Variants in ELOVL5 observed in about 807,000 individuals in gnomAD.
ELOVL5 encodes the protein very long chain fatty acid elongase 5.
In ELOVL5, 8 loss-of-function variants were observed where a neutral mutation model predicts 38.6. That is an observed-to-expected ratio of 0.21 (90% CI 0.12 to 0.37). The LOEUF (loss-of-function observed/expected upper bound fraction) is 0.37. ELOVL5 is among the 10% of genes least tolerant of loss of function. The pLI is 1.00. For missense variants in ELOVL5, 280 were observed against 367.8 expected (o/e 0.76, Z 1.95); for synonymous variants, 127 against 133.7 (o/e 0.95, Z 0.34).
chr6:53,273,493 G>A, intron 5 of ELOVL5, 149 bp from the exon 6 acceptor site: 1 of 694,046 alleles, frequency 1.4e-6, no homozygotes, highest in Admixed American at 2.9e-5. Context: ...AGCAAGCAAT[G>A]CATGGATGTG....
At chr6:53,299,905 A>G (rs1284859400) in intron 1 of ELOVL5, among the ~76,000 whole-genome samples, 2 of 152,228 alleles carry the variant, frequency 1.3e-5, no homozygotes, top group Admixed American at 1.3e-4. Context: ...ACTTAGGAAT[A>G]TATTGAAAGA....
At chr6:53,315,134 G>A (rs533037888) in intron 1 of ELOVL5, among the ~76,000 whole-genome samples, 3 of 152,266 alleles carry the variant, frequency 2.0e-5, no homozygotes, top group African/African-American at 7.2e-5. Flanking sequence ...CATGATCAAG[G>A]TGCCAGCAAA....
Position 53,273,230 on chromosome 6 carries a change from T to C in ELOVL5, c.611A>G (p.Gln204Arg). The C allele has an allele frequency of 1.2e-6, 2 of 1,613,722 alleles. No homozygotes were observed. The highest frequency in any genetic ancestry group is 8.5e-7 in the Non-Finnish European group (1 of 1,179,730). Residue 204 changes from glutamine (Q) to arginine (R), a missense_variant, in exon 6 of 8, where the codon CAG (glutamine) becomes CGG (arginine). Coordinates refer to ENST00000304434, the MANE Select transcript of ELOVL5 (RefSeq NM_021814.5). Reference protein sequence around the residue: ...PYLWWKKYITQGQLLQFVLTI... With the variant: ...PYLWWKKYITRGQLLQFVLTI... ...GGCCAAGTCACTCACCAGCTGCCCC[T>C]GAGTGATGTACTTCTTCCACCAGAG...
chr6:53,268,564 TCAA>T lies in ELOVL5; in HGVS notation c.*560_*562del, dbSNP rs1159948313. ...TGAAGGTGCCGTGTCTGATTTCACA[TCAA>T]CAAGTCACTGGAAATTATGTCACAT... On this transcript the variant is annotated 3_prime_UTR_variant, in exon 8 of 8. Transcript: ENST00000304434. 6.5e-5 allele frequency: 10 copies of T among 152,754 alleles called. No homozygotes were observed. The highest frequency in any genetic ancestry group is 1.7e-4 in the African/African-American group (7 of 41,566). The allele number at this position is 152,754 out of a possible 1,614,324, so 9.5% of individuals were successfully genotyped here. A position where few individuals can be genotyped will look rare whatever the true frequency, so the allele number is the denominator to read the frequency against.
Position 53,273,204 on chromosome 6 carries a change from A to C in ELOVL5, c.621+16T>G. 1.2e-6 allele frequency: 2 copies of C among 1,613,268 alleles called. No individual in the cohort carries two copies. Among genetic ancestry groups the C allele is most frequent in the Non-Finnish European group, 1.7e-6 (2 of 1,179,450 alleles). On this transcript the variant is annotated intron_variant, in intron 6 of 7. Transcript: ENST00000304434. ...ACCAGGAAGTAAGTCCTGGGGAAAG[A>C]GGCCAAGTCACTCACCAGCTGCCCC...
chr6:53,327,627 G>A (rs1352860900), intron 1 of ELOVL5, among the ~76,000 whole-genome samples: 1 of 152,178 alleles, frequency 6.6e-6, no homozygotes, highest in Non-Finnish European at 1.5e-5. Context: ...AAACAACACT[G>A]TGGATGTACT....
intron 1 of ELOVL5, among the ~76,000 whole-genome samples, chr6:53,328,820 C>T (rs981943427): frequency 6.6e-6 from 1 of 152,186 alleles, no homozygotes; most frequent in African/African-American, 2.4e-5. Context: ...AGACCTTAAT[C>T]TCTTCGTTTA....
chr6:53,347,667 C>G (rs1167707366), intron 1 of ELOVL5, among the ~76,000 whole-genome samples: 2 of 152,214 alleles, frequency 1.3e-5, no homozygotes, highest in Non-Finnish European at 2.9e-5. Flanking sequence ...TAGCACCTCT[C>G]GGTTCCTCAG....
At chr6:53,296,712 A>G (rs917487979) in intron 1 of ELOVL5, among the ~76,000 whole-genome samples, 1 of 152,172 alleles carries the variant, frequency 6.6e-6, no homozygotes, top group African/African-American at 2.4e-5. Context: ...ACCTTCCCCA[A>G]TTTAAGATTT....
chr6:53,324,247 T>C (rs1255165651), intron 1 of ELOVL5, among the ~76,000 whole-genome samples: 5 of 89,612 alleles, frequency 5.6e-5, no homozygotes, highest in African/African-American at 1.4e-4. Context: ...AACGAGACTC[T>C]ACCTCAAAAA....
chr6:53,324,633 C>G lies in ELOVL5; in HGVS notation c.-9+24184G>C, dbSNP rs146546181. 4.0e-3 allele frequency among the ~76,000 whole-genome samples: 547 copies of G among 137,668 alleles called. 2 individuals carry two copies. Among genetic ancestry groups the G allele is most frequent in the African/African-American group, 0.014 (484 of 34,370 alleles). The allele number at this position is 137,668 out of a possible 152,430, so 90.3% of individuals were successfully genotyped here. ...GAGGTTGCAGTGAGCCAAGATGGCA[C>G]CACTGCATTCCAGCCTGGTGACAAG... On this transcript the variant is annotated intron_variant, in intron 1 of 7. Coordinates refer to ENST00000304434, the MANE Select transcript of ELOVL5 (RefSeq NM_021814.5).
At chr6:53,323,445 G>C (rs987205728) in intron 1 of ELOVL5, among the ~76,000 whole-genome samples, 1 of 152,150 alleles carries the variant, frequency 6.6e-6, no homozygotes, top group African/African-American at 2.4e-5. Context: ...CTCAGGTAAG[G>C]AGGCCTGCCT....
rs1765992540 is a variant in ELOVL5 at position 53,273,313 on chromosome 6, G to A, written c.528C>T (p.Ile176=). 6.2e-7 allele frequency: 1 copy of A among 1,613,504 alleles called. No homozygotes were observed. Among genetic ancestry groups the A allele is most frequent in the African/African-American group, 1.3e-5 (1 of 74,890 alleles). ...SYFGATLNSF[I]HVLMYSYYGL... Reference sequence around the variant, plus strand: ...CATAGTAAGAGTACATGAGGACGTGGATGAAGCTATTAAGTGTGGCACCAA... The same window carrying A: ...CATAGTAAGAGTACATGAGGACGTGAATGAAGCTATTAAGTGTGGCACCAA... Residue 176 remains isoleucine, a synonymous_variant, in exon 6 of 8, where the codon ATC becomes ATT. Coordinates refer to ENST00000304434, the MANE Select transcript of ELOVL5 (RefSeq NM_021814.5).
chr6:53,290,198 G>A (rs1766723151), intron 3 of ELOVL5: 1 of 152,196 alleles, frequency 6.6e-6, no homozygotes, highest in Non-Finnish European at 1.5e-5. Context: ...ATCTGTTTAA[G>A]AGAGGATAAA....
intron 3 of ELOVL5, 106 bp downstream of exon 3, chr6:53,291,670 G>T: frequency 1.2e-6 from 1 of 823,904 alleles, no homozygotes; most frequent in Non-Finnish European, 1.8e-6. Flanking sequence ...TTGCCCAGTT[G>T]TCTCTACACC....
At chr6:53,294,468 T>C in intron 2 of ELOVL5, 1 of 1,550,374 alleles carries the variant, frequency 6.5e-7, no homozygotes. Flanking sequence ...GGGGGACCCA[T>C]TCTGAGGACA....
intron 3 of ELOVL5, among the ~76,000 whole-genome samples, chr6:53,287,335 T>C (rs1350442832): frequency 6.6e-6 from 1 of 152,196 alleles, no homozygotes; most frequent in Non-Finnish European, 1.5e-5. Context: ...GTTCCGACAT[T>C]TGCTTATTTT....
At chr6:53,305,316 G>T (rs1252606968) in intron 1 of ELOVL5, among the ~76,000 whole-genome samples, 1 of 132,506 alleles carries the variant, frequency 7.5e-6, no homozygotes, top group African/African-American at 3.0e-5. Context: ...AGGGCGGCTG[G>T]CCGGGCAGGG....
chr6:53,299,621 A>G (rs1168070106), intron 1 of ELOVL5, among the ~76,000 whole-genome samples: 1 of 152,244 alleles, frequency 6.6e-6, no homozygotes, highest in Non-Finnish European at 1.5e-5. Context: ...GCAGGCTACC[A>G]AAAGAGACTG....
Sources: allele counts gnomAD v4.1 joint callset (sites outside exome capture counted in the v4.1 genomes callset), GRCh38; gene constraint gnomAD v4.1.1; transcripts MANE v1.5; gene names NCBI Gene and HGNC (gene_info 2026-07-23, HGNC 2026-07-21).